RAB40B: variants seen among roughly 807,000 people sequenced by gnomAD.
RAB40B encodes RAB40B, member RAS oncogene family.
RAB40B carries 21 observed loss-of-function variants against 24.0 expected under a neutral mutation model. That is an observed-to-expected ratio of 0.88 (90% CI 0.62 to 1.26). The LOEUF is 1.26. Ranked by LOEUF, RAB40B falls within the 50% of genes most tolerant of loss-of-function variation. The pLI is 0.00. For synonymous variants in RAB40B, 167 were observed against 169.8 expected (o/e 0.98, Z 0.13); for missense variants, 348 against 390.5 (o/e 0.89, Z 0.92).
chr17:82,685,786 C>T (rs2046493273), intron 1 of RAB40B, among the ~76,000 whole-genome samples: 1 of 150,842 alleles, frequency 6.6e-6, no homozygotes, highest in Non-Finnish European at 1.5e-5. Flanking sequence ...GATTCGGAAA[C>T]AGGATCTCTT....
intron 1 of RAB40B, among the ~76,000 whole-genome samples, chr17:82,685,101 G>A (rs1405865912): frequency 6.7e-6 from 1 of 148,586 alleles, no homozygotes; most frequent in Non-Finnish European, 1.5e-5. Flanking sequence ...TGACAAGAGT[G>A]AAACTCTGTC....
intron 5 of RAB40B, 74 bp downstream of exon 5, chr17:82,658,417 T>G: frequency 2.0e-6 from 3 of 1,523,744 alleles, no homozygotes; most frequent in East Asian, 2.3e-5. Flanking sequence ...AGGCAGACAC[T>G]TATCCAGGGG....
chr17:82,665,657 A>T (rs933517402), intron 1 of RAB40B, among the ~76,000 whole-genome samples: 9 of 152,166 alleles, frequency 5.9e-5, no homozygotes, highest in Admixed American at 6.5e-5. Flanking sequence ...ACTTGAGGTC[A>T]GGAATTCAAG....
intron 1 of RAB40B, among the ~76,000 whole-genome samples, chr17:82,694,544 T>G (rs967100571): frequency 2.8e-5 from 4 of 142,904 alleles, no homozygotes; most frequent in African/African-American, 1.1e-4. Flanking sequence ...AAAAAAAAAA[T>G]ACATACACAC....
In RAB40B at chr17:82,683,048, C is replaced by T. The variant is rs566006222; in HGVS notation, c.142+15407G>A. ...ATCCCAGGTACTCGGGAGGCTGAGGCAGGAGAATTGCTTGAATCCGGGAGA... is the reference window on the plus strand; with the variant it reads ...ATCCCAGGTACTCGGGAGGCTGAGGTAGGAGAATTGCTTGAATCCGGGAGA... On this transcript the variant is annotated intron_variant, in intron 1 of 5. Transcript: ENST00000571995. Among the ~76,000 whole-genome samples the T allele has an allele frequency of 1.0e-3, 155 of 152,308 alleles. 1 individual carries two copies. The highest frequency in any genetic ancestry group is 2.3e-3 in the South Asian group (11 of 4,826).
rs1040093432 is a variant in RAB40B, at chr17:82,659,545, C to T, written c.342+35G>A. On this transcript the variant is annotated intron_variant, in intron 4 of 5. Coordinates refer to ENST00000571995, the MANE Select transcript of RAB40B (RefSeq NM_006822.3). ...CTGGCCTGACGTCCTCCCAAGCCTA[C>T]AGGGATCTTGGGCAGTGGCATTTCT... The T allele has an allele frequency of 2.5e-6, 4 of 1,607,062 alleles. No homozygotes were observed. In the African/African-American group the frequency reaches 4.0e-5, roughly 16 times the overall value.
chr17:82,657,852 C>G lies in RAB40B; in HGVS notation c.*11G>C, dbSNP rs760451932. On this transcript the variant is annotated 3_prime_UTR_variant, in exon 6 of 6. Transcript: ENST00000571995. Reference sequence around the variant, plus strand: ...TGGAGAGATTCCGCCGTGTTTCTTTCAGTGCCTTCCTTAAGAAATTTTGCA... The same window carrying G: ...TGGAGAGATTCCGCCGTGTTTCTTTGAGTGCCTTCCTTAAGAAATTTTGCA... The G allele has an allele frequency of 1.8e-5, 29 of 1,609,958 alleles. No homozygotes were observed. Among genetic ancestry groups the G allele is most frequent in the Non-Finnish European group, 2.4e-5 (28 of 1,179,518 alleles).
intron 1 of RAB40B, among the ~76,000 whole-genome samples, chr17:82,690,770 T>G (rs1209678473): frequency 2.1e-5 from 3 of 145,272 alleles, no homozygotes; most frequent in African/African-American, 7.7e-5. Context: ...GGGGAAGATC[T>G]GCAGAATTGG....
At chr17:82,674,902 T>C (rs1568038518) in intron 1 of RAB40B, among the ~76,000 whole-genome samples, 1 of 152,140 alleles carries the variant, frequency 6.6e-6, no homozygotes, top group Non-Finnish European at 1.5e-5. Flanking sequence ...GAGATAATCC[T>C]GACGGCATCG....
rs2046546276 is a variant in RAB40B, at chr17:82,690,509, C to T, written c.142+7946G>A. 2.4e-5 allele frequency among the ~76,000 whole-genome samples: 3 copies of T among 124,812 alleles called. No homozygotes were observed. The South Asian group carries it at 8.0e-4, about 33-fold the overall frequency. The allele number at this position is 124,812 out of a possible 152,430, so 81.9% of individuals were successfully genotyped here. ...GTGTTGCCGGGGAGCAGAGAGTGTG[C>T]ACGTGTGTCCAGGAGAAGATCTGCA... On this transcript the variant is annotated intron_variant, in intron 1 of 5. Transcript: ENST00000571995.
Position 82,694,973 on chromosome 17 carries a change from C to T in RAB40B, c.142+3482G>A, listed in dbSNP as rs148798841. Among the ~76,000 whole-genome samples, 6 of 151,846 alleles carry T rather than the reference C, an allele frequency of 4.0e-5. No homozygotes were observed. In the East Asian group the frequency reaches 1.2e-3, roughly 29 times the overall value. ...TGATTAAGAGGGACAGCACAATGAACAGAGACATAAATGGTAAAAGGACTT... is the reference window on the plus strand; with the variant it reads ...TGATTAAGAGGGACAGCACAATGAATAGAGACATAAATGGTAAAAGGACTT... On this transcript the variant is annotated intron_variant, in intron 1 of 5. Coordinates refer to ENST00000571995, the MANE Select transcript of RAB40B (RefSeq NM_006822.3).
rs1290860465 is a variant in RAB40B at position 82,655,602 on chromosome 17, C to CT, written c.*2260dup. The CT allele has an allele frequency of 6.6e-6, 1 of 152,288 alleles. No individual in the cohort carries two copies. The highest frequency in any genetic ancestry group is 6.5e-5 in the Admixed American group (1 of 15,286). The allele number at this position is 152,288 out of a possible 1,614,324, so 9.4% of individuals were successfully genotyped here. ...GTGGGTTTCTTCAACGTGGACTCTCCTTTCTGTGCATCTCAGTGTCCTTGT... is the reference window on the plus strand; with the variant it reads ...GTGGGTTTCTTCAACGTGGACTCTCCTTTTCTGTGCATCTCAGTGTCCTTGT... On this transcript the variant is annotated 3_prime_UTR_variant, in exon 6 of 6. Transcript: ENST00000571995.
chr17:82,695,264 TCA>T (rs2046597243), intron 1 of RAB40B, among the ~76,000 whole-genome samples: 2 of 150,702 alleles, frequency 1.3e-5, no homozygotes, highest in East Asian at 3.9e-4. Context: ...TGATCTCAGC[TCA>T]CTTCACCCTC....
Position 82,664,491 on chromosome 17 carries a change from C to G in RAB40B, c.203+5G>C. On this transcript the variant is annotated splice_donor_5th_base_variant and intron_variant, in intron 2 of 5. Coordinates refer to ENST00000571995, the MANE Select transcript of RAB40B (RefSeq NM_006822.3). ...GCGGGACGCTCGCACCTCCTCCAGACTCACCAGAGCTGCAGCTTCACCCGC... is the reference window on the plus strand; with the variant it reads ...GCGGGACGCTCGCACCTCCTCCAGAGTCACCAGAGCTGCAGCTTCACCCGC... 2 of 1,612,920 alleles carry G rather than the reference C, an allele frequency of 1.2e-6. No homozygotes were observed. The highest frequency in any genetic ancestry group is 2.2e-5 in the South Asian group (2 of 91,032).
chr17:82,686,864 G>T (rs1428783593), intron 1 of RAB40B, among the ~76,000 whole-genome samples: 3 of 152,180 alleles, frequency 2.0e-5, no homozygotes, highest in Non-Finnish European at 4.4e-5. Flanking sequence ...CCAGTGCTGG[G>T]GGGAAGGATG....
chr17:82,670,021 C>T lies in RAB40B; in HGVS notation c.143-5465G>A, dbSNP rs77352777. Among the ~76,000 whole-genome samples, 960 of 152,238 alleles carry T rather than the reference C, an allele frequency of 6.3e-3. 4 individuals carry two copies. The highest frequency in any genetic ancestry group is 0.01 in the Non-Finnish European group (689 of 68,014). On this transcript the variant is annotated intron_variant, in intron 1 of 5. Transcript: ENST00000571995. ...TCTATTTTCGAATGCGGAGATAACT[C>T]CAGCTTTGATATGTCTGTCTCCAGA...
In RAB40B at chr17:82,661,308, A is replaced by G. The variant is rs1026710216; in HGVS notation, c.204-261T>C. 2 of 1,234,946 alleles carry G rather than the reference A, an allele frequency of 1.6e-6. 1 individual carries two copies. The allele number at this position is 1,234,946 out of a possible 1,614,324, so 76.5% of individuals were successfully genotyped here. A position where few individuals can be genotyped will look rare whatever the true frequency, so the allele number is the denominator to read the frequency against. On this transcript the variant is annotated intron_variant, in intron 2 of 5. Coordinates refer to ENST00000571995, the MANE Select transcript of RAB40B (RefSeq NM_006822.3). ...GTGACGGTTTTAACATAATTCTCAGATATTTAAATACATTCAATGTAGGCT... is the reference window on the plus strand; with the variant it reads ...GTGACGGTTTTAACATAATTCTCAGGTATTTAAATACATTCAATGTAGGCT...
At position 82,663,760 on chromosome 17, in the gene RAB40B, C is replaced by T. The variant is rs1018787791; in HGVS notation, c.203+736G>A. On this transcript the variant is annotated intron_variant, in intron 2 of 5. Coordinates refer to ENST00000571995, the MANE Select transcript of RAB40B (RefSeq NM_006822.3). The surrounding 1 kb of genome is among the most constrained non-coding windows in gnomAD (Gnocchi z 6.2). ...CCAGGCGTGGGGGACCCAGGAGCCC[C>T]GGGCTGCCTCAACCACGCTGCATCG... Among the ~76,000 whole-genome samples, 24 of 152,164 alleles carry T rather than the reference C, an allele frequency of 1.6e-4. No homozygotes were observed. The highest frequency in any genetic ancestry group is 2.6e-4 in the Non-Finnish European group (18 of 68,018).
At position 82,657,804 on chromosome 17, in the gene RAB40B, C is replaced by A; in HGVS notation, c.*59G>T. The A allele has an allele frequency of 1.5e-5, 23 of 1,585,612 alleles. No homozygotes were observed. The highest frequency in any genetic ancestry group is 2.0e-5 in the Non-Finnish European group (23 of 1,157,312). ...GATCTGAGATGCATCCACCAGCTGCCGGGGGTAACGCCGAGCTTCTCCTGG... is the reference window on the plus strand; with the variant it reads ...GATCTGAGATGCATCCACCAGCTGCAGGGGGTAACGCCGAGCTTCTCCTGG... On this transcript the variant is annotated 3_prime_UTR_variant, in exon 6 of 6. Transcript: ENST00000571995.
Sources: allele counts gnomAD v4.1 joint callset (sites outside exome capture counted in the v4.1 genomes callset), GRCh38; gene constraint gnomAD v4.1.1; non-coding constraint Gnocchi (gnomAD v3.1); transcripts MANE v1.5; gene names NCBI Gene and HGNC (gene_info 2026-07-23, HGNC 2026-07-21).